Variants in ZFAND3 observed in about 807,000 individuals in gnomAD.
The protein encoded by ZFAND3 is zinc finger AN1-type containing 3, also known as AN1-type zinc finger protein 3.
In ZFAND3, 10 loss-of-function variants were observed where a neutral mutation model predicts 29.6. That is an observed-to-expected ratio of 0.34 (90% CI 0.21 to 0.57). The LOEUF (loss-of-function observed/expected upper bound fraction) is 0.57. Ranked by LOEUF, ZFAND3 falls within the 20% of genes least tolerant of loss-of-function variation. The probability of loss-of-function intolerance (pLI) is 0.86; values close to 1 mark genes in which losing one functional copy is unlikely to be tolerated. For synonymous variants in ZFAND3, 128 were observed against 112.6 expected, an observed-to-expected ratio of 1.14 and a Z score of -0.87; for missense variants, 230 against 304.5, an observed-to-expected ratio of 0.76 and a Z score of 1.82.
At chr6:38,108,587 C>T (rs1186715758) in intron 4 of ZFAND3, among the ~76,000 whole-genome samples, 2 of 152,164 alleles carry the variant, frequency 1.3e-5, no homozygotes, top group Admixed American at 1.3e-4. Flanking sequence ...AAGCATCTGG[C>T]GCAGAAAGAA....
At chr6:38,030,024 A>AGCATTTCTTGTTATGTAGTTCT (rs1763522673) in intron 2 of ZFAND3, among the ~76,000 whole-genome samples, 1 of 119,926 alleles carries the variant, frequency 8.3e-6, no homozygotes, top group African/African-American at 3.1e-5. Flanking sequence ...AACTTTCTTT[A>AGCATTTCTTGTTATGTAGTTCT]GCATTTCTTG....
At chr6:37,952,908 G>C (rs1435647953) in intron 2 of ZFAND3, among the ~76,000 whole-genome samples, 1 of 151,046 alleles carries the variant, frequency 6.6e-6, no homozygotes, top group Non-Finnish European at 1.5e-5. Flanking sequence ...TGATGGTCTA[G>C]TCTCGGTGGG....
At chr6:37,989,940 T>G (rs1254330958) in intron 2 of ZFAND3, among the ~76,000 whole-genome samples, 2 of 152,200 alleles carry the variant, frequency 1.3e-5, no homozygotes, top group Non-Finnish European at 2.9e-5. Flanking sequence ...TGGAGCAGTT[T>G]TCTCGAAGAG....
intron 2 of ZFAND3, among the ~76,000 whole-genome samples, chr6:37,985,525 A>C (rs1561956595): frequency 6.8e-6 from 1 of 147,680 alleles, no homozygotes; most frequent in African/African-American, 2.5e-5. Context: ...ACACACACAC[A>C]CACCCCCACA....
At chr6:37,859,135 C>G (rs966470706) in intron 1 of ZFAND3, among the ~76,000 whole-genome samples, 2 of 152,354 alleles carry the variant, frequency 1.3e-5, no homozygotes, top group South Asian at 2.1e-4. Context: ...GGCTCCACCA[C>G]TTGTTAGCTT....
At position 38,119,533 on chromosome 6, in the gene ZFAND3, A is replaced by T. The variant is rs539464000; in HGVS notation, c.529+2794A>T. 3.3e-5 allele frequency among the ~76,000 whole-genome samples: 5 copies of T among 152,352 alleles called. No individual in the cohort carries two copies. In the East Asian group the frequency reaches 7.7e-4, roughly 23 times the overall value. Reference sequence around the variant, plus strand: ...TAAATAATGCTTAAGAGCCATTGCTATATAAATTGAATGTGTTATGAATTG... The same window carrying T: ...TAAATAATGCTTAAGAGCCATTGCTTTATAAATTGAATGTGTTATGAATTG... On this transcript the variant is annotated intron_variant, in intron 5 of 5. Coordinates refer to ENST00000287218, the MANE Select transcript of ZFAND3 (RefSeq NM_021943.3).
intron 2 of ZFAND3, among the ~76,000 whole-genome samples, chr6:37,931,501 G>A (rs952258049): frequency 3.4e-5 from 5 of 147,924 alleles, no homozygotes; most frequent in African/African-American, 7.5e-5. Flanking sequence ...CTGAGATTGC[G>A]CCACTGCACT....
At chr6:37,840,983 A>G (rs1310256768) in intron 1 of ZFAND3, among the ~76,000 whole-genome samples, 1 of 152,230 alleles carries the variant, frequency 6.6e-6, no homozygotes, top group East Asian at 1.9e-4. Flanking sequence ...TGTAACCATA[A>G]TGCTTGAATC....
At chr6:38,098,837 C>T (rs896784215) in intron 4 of ZFAND3, among the ~76,000 whole-genome samples, 4 of 152,090 alleles carry the variant, frequency 2.6e-5, no homozygotes, top group Admixed American at 2.6e-4. Context: ...CCTCACTTAA[C>T]ATTGTTAATT....
In ZFAND3 at chr6:38,010,193, G is replaced by A. The variant is rs76046300; in HGVS notation, c.113-51400G>A. Among the ~76,000 whole-genome samples, 135 of 152,290 alleles carry A rather than the reference G, an allele frequency of 8.9e-4. 1 individual carries two copies. Among genetic ancestry groups the A allele is most frequent in the African/African-American group, 3.0e-3 (123 of 41,560 alleles). ...ACAGGGCACCATCCCATTGCAGGGC[G>A]CACTCACAGTCACTCATTCTGGAAC... is the stretch of plus-strand genomic sequence containing the variant. On this transcript the variant is annotated intron_variant, in intron 2 of 5. Transcript: ENST00000287218.
intron 1 of ZFAND3, among the ~76,000 whole-genome samples, chr6:37,867,680 A>G (rs1764613773): frequency 6.6e-6 from 1 of 152,194 alleles, no homozygotes; most frequent in Non-Finnish European, 1.5e-5. Flanking sequence ...TATTCGCCAT[A>G]GTTACCTAAA....
chr6:37,965,390 A>G (rs1762275296), intron 2 of ZFAND3, among the ~76,000 whole-genome samples: 2 of 152,114 alleles, frequency 1.3e-5, no homozygotes, highest in East Asian at 3.9e-4. Context: ...CAGAATATAT[A>G]TGCGCACACA....
At chr6:38,028,441 T>G (rs1292449904) in intron 2 of ZFAND3, among the ~76,000 whole-genome samples, 1 of 152,212 alleles carries the variant, frequency 6.6e-6, no homozygotes, top group Non-Finnish European at 1.5e-5. Flanking sequence ...CTTTTTTTTT[T>G]TAAGTGTCTT....
chr6:37,992,618 A>G (rs1419646470), intron 2 of ZFAND3, among the ~76,000 whole-genome samples: 1 of 152,150 alleles, frequency 6.6e-6, no homozygotes, highest in Non-Finnish European at 1.5e-5. Flanking sequence ...ATTATTTTAC[A>G]TTGCCACAAT....
intron 2 of ZFAND3, among the ~76,000 whole-genome samples, chr6:38,052,746 A>G (rs1764050423): frequency 6.6e-6 from 1 of 152,096 alleles, no homozygotes; most frequent in African/African-American, 2.4e-5. Context: ...AAAGCACTCC[A>G]TGTTGACCGC....
intron 2 of ZFAND3, among the ~76,000 whole-genome samples, chr6:38,027,025 G>A (rs1303810711): frequency 6.6e-6 from 1 of 152,022 alleles, no homozygotes; most frequent in Non-Finnish European, 1.5e-5. Context: ...TTCCTATTCC[G>A]TTCCCTAAAT....
At chr6:37,899,869 G>A (rs1408348214) in intron 1 of ZFAND3, among the ~76,000 whole-genome samples, 1 of 152,174 alleles carries the variant, frequency 6.6e-6, no homozygotes, top group African/African-American at 2.4e-5. Context: ...TTGATGGGGA[G>A]TATCCTTCTA....
chr6:37,892,199 T>A (rs6458031), intron 1 of ZFAND3, among the ~76,000 whole-genome samples: 151,879 of 152,390 alleles, frequency 1, 75,688 homozygotes, highest in Middle Eastern at 1. Flanking sequence ...TTGGAAACTC[T>A]AATACGTGGA....
At chr6:37,918,287 G>C (rs1011324971) in intron 1 of ZFAND3, among the ~76,000 whole-genome samples, 1 of 152,126 alleles carries the variant, frequency 6.6e-6, no homozygotes. Flanking sequence ...ATATTAGCCA[G>C]GATGGTCTCG....
Sources: allele counts gnomAD v4.1 joint callset (sites outside exome capture counted in the v4.1 genomes callset), GRCh38; gene constraint gnomAD v4.1.1; transcripts MANE v1.5; gene names NCBI Gene and HGNC (gene_info 2026-07-23, HGNC 2026-07-21).